Variants in OCA2 observed in about 807,000 individuals in gnomAD.
OCA2 encodes the protein OCA2 melanosomal transmembrane protein.
Under a neutral mutation model 100.2 loss-of-function variants are expected in OCA2, and 77 were observed. The ratio of observed to expected loss-of-function variants is 0.77; its 90% CI spans 0.64 to 0.93. The LOEUF is 0.93. Ranked by LOEUF, OCA2 falls within the 40% of genes least tolerant of loss-of-function variation. OCA2 has a pLI of 0.00. For synonymous variants in OCA2, 432 were observed against 439.2 expected (o/e 0.98, Z 0.21); for missense variants, 1,062 against 1,089.1 (o/e 0.98, Z 0.35).
chr15:27,870,733 A>G (rs1013389715), intron 21 of OCA2, among the ~76,000 whole-genome samples: 106 of 131,794 alleles, frequency 8.0e-4, no homozygotes, highest in African/African-American at 2.9e-3. Flanking sequence ...AGAAGGAAGG[A>G]AGGGAGGGAG....
rs1332741042 is a variant in OCA2 at position 27,990,624 on chromosome 15, G to A, written c.1068C>T (p.Ala356=). Residue 356 remains alanine, a synonymous_variant, in exon 10 of 24, where the codon GCC becomes GCT. Transcript: ENST00000354638. ...CCAGTGCTGCAAGGGAACCCAGCAT[G>A]GCCGCCAGAGTTCTGTGCACGATCT... ...IFEIVHRTLA[A]MLGSLAALAA... 2 of 1,614,020 alleles carry A rather than the reference G, an allele frequency of 1.2e-6. No individual in the cohort carries two copies. Among genetic ancestry groups the A allele is most frequent in the Admixed American group, 1.7e-5 (1 of 60,026 alleles).
rs182445010 is a variant in OCA2 at position 28,003,204 on chromosome 15, C to A, written c.1044+11572G>T. 7.5e-3 allele frequency among the ~76,000 whole-genome samples: 1,140 copies of A among 152,380 alleles called. 18 individuals are homozygous for A. Among genetic ancestry groups the A allele is most frequent in the African/African-American group, 0.027 (1,105 of 41,592 alleles). On this transcript the variant is annotated intron_variant, in intron 9 of 23. Transcript: ENST00000354638. Reference sequence around the variant, plus strand: ...TTCCTATTGTATATGGAAAAGCTTTCTGCTCAGAAGCTATAGAAGCTTAGC... The same window carrying A: ...TTCCTATTGTATATGGAAAAGCTTTATGCTCAGAAGCTATAGAAGCTTAGC...
At chr15:27,720,002 C>G in the OCA2 span, among the ~76,000 whole-genome samples, 1 of 152,198 alleles carries the variant, frequency 6.6e-6, no homozygotes, top group Non-Finnish European at 1.5e-5. Context: ...TTCCCACCCT[C>G]TGCATTTCAT....
intron 11 of OCA2, among the ~76,000 whole-genome samples, chr15:27,989,126 C>T (rs912273695): frequency 2.6e-5 from 4 of 152,170 alleles, no homozygotes; most frequent in African/African-American, 7.2e-5. Flanking sequence ...CACACTAGCC[C>T]GCTTGGGCAC....
intron 19 of OCA2, among the ~76,000 whole-genome samples, chr15:27,885,946 T>C (rs2037205590): frequency 6.6e-6 from 1 of 152,172 alleles, no homozygotes; most frequent in African/African-American, 2.4e-5. Flanking sequence ...TAGGTAATAA[T>C]CTGTTGGAAG....
intron 15 of OCA2, among the ~76,000 whole-genome samples, chr15:27,965,506 A>C (rs559711080): frequency 2.4e-4 from 37 of 152,298 alleles, no homozygotes; most frequent in Non-Finnish European, 3.4e-4. Flanking sequence ...AGTCACACAG[A>C]TCTGTCTTGG....
intron 22 of OCA2, among the ~76,000 whole-genome samples, chr15:27,847,919 C>T (rs561570657): frequency 6.6e-6 from 1 of 152,318 alleles, no homozygotes; most frequent in East Asian, 1.9e-4. Context: ...TCTGTGGCGC[C>T]GTCAGGACCT....
chr15:28,077,361 G>A (rs922977967), intron 2 of OCA2, among the ~76,000 whole-genome samples: 3 of 152,124 alleles, frequency 2.0e-5, no homozygotes, highest in African/African-American at 7.2e-5. Flanking sequence ...ACCCAGCCCT[G>A]TGCTTAGTTT....
intron 2 of OCA2, among the ~76,000 whole-genome samples, chr15:28,045,982 T>C (rs1312872507): frequency 6.6e-6 from 1 of 152,168 alleles, no homozygotes; most frequent in Non-Finnish European, 1.5e-5. Context: ...GGGCAGCTGC[T>C]CAGTGTGGAG....
At chr15:27,864,871 G>A (rs140647886) in intron 21 of OCA2, among the ~76,000 whole-genome samples, 1 of 151,972 alleles carries the variant, frequency 6.6e-6, no homozygotes, top group Non-Finnish European at 1.5e-5. Flanking sequence ...GTTCCAACTC[G>A]GTCTTTAGGG....
intron 23 of OCA2, among the ~76,000 whole-genome samples, chr15:27,770,816 CCCTTCCATTCTTCCTT>C (rs2031706351): frequency 1.9e-4 from 20 of 103,704 alleles, no homozygotes; most frequent in East Asian, 5.4e-4. Flanking sequence ...CTTCCTTCCT[CCCTTCCATTCTTCCTT>C]CCTCCCTCTT....
At chr15:27,721,191 A>T in the OCA2 span, among the ~76,000 whole-genome samples, 5 of 152,156 alleles carry the variant, frequency 3.3e-5, no homozygotes, top group Admixed American at 2.6e-4. Flanking sequence ...TCTGATTTCA[A>T]ATCCATTTAT....
chr15:27,770,647 C>T (rs2031662182), intron 23 of OCA2, among the ~76,000 whole-genome samples: 2 of 152,144 alleles, frequency 1.3e-5, no homozygotes, highest in Admixed American at 1.3e-4. Context: ...CCGGCCGCTC[C>T]CGTGGCCTCT....
chr15:28,044,829 A>G (rs962400418), intron 2 of OCA2, among the ~76,000 whole-genome samples: 2 of 151,380 alleles, frequency 1.3e-5, no homozygotes, highest in African/African-American at 4.9e-5. Context: ...TAGACATCCC[A>G]TTTTTCTTTG....
Position 28,058,380 on chromosome 15 carries a change from C to T in OCA2, c.227+23268G>A, listed in dbSNP as rs534698006. ...CTTCCTCTGTGGTGGGGCCTTTGTCCGATTTTTTCTGAGCGCTCCCTCTTT... is the reference window on the plus strand; with the variant it reads ...CTTCCTCTGTGGTGGGGCCTTTGTCTGATTTTTTCTGAGCGCTCCCTCTTT... On this transcript the variant is annotated intron_variant, in intron 2 of 23. Transcript: ENST00000354638. 5.3e-5 allele frequency among the ~76,000 whole-genome samples: 8 copies of T among 152,306 alleles called. No homozygotes were observed. In the East Asian group the frequency reaches 1.2e-3, roughly 22 times the overall value.
At chr15:28,059,213 G>A (rs2043797802) in intron 2 of OCA2, among the ~76,000 whole-genome samples, 1 of 152,242 alleles carries the variant, frequency 6.6e-6, no homozygotes, top group South Asian at 2.1e-4. Context: ...CTGGCCTGCA[G>A]GAGCCACGCA....
At chr15:27,895,971 T>C in intron 19 of OCA2, 4 of 746,192 alleles carry the variant, frequency 5.4e-6, no homozygotes, top group African/African-American at 1.7e-5. Flanking sequence ...GGTTTGAAGG[T>C]TGGCCTGACC....
At chr15:27,972,294 G>T (rs2040817396) in intron 14 of OCA2, among the ~76,000 whole-genome samples, 1 of 152,268 alleles carries the variant, frequency 6.6e-6, no homozygotes, top group South Asian at 2.1e-4. Context: ...GTTGTGAATT[G>T]TGCTGTGATA....
intron 2 of OCA2, among the ~76,000 whole-genome samples, chr15:28,072,624 A>T (rs1196390626): frequency 6.6e-6 from 1 of 151,574 alleles, no homozygotes; most frequent in Non-Finnish European, 1.5e-5. Flanking sequence ...TAACCCCATT[A>T]AAAAATGGCA....
Sources: gnomAD v4.1 joint callset for allele counts (sites outside exome capture counted in the v4.1 genomes callset) on GRCh38, gnomAD v4.1.1 for gene constraint, MANE v1.5 for transcripts, NCBI Gene and HGNC (gene_info 2026-07-23, HGNC 2026-07-21) for gene names.